Variants in RPS6KC1 observed in about 807,000 individuals in gnomAD.
RPS6KC1 encodes the protein inactive ribosomal protein S6 kinase delta-1.
In RPS6KC1, 54 loss-of-function variants were observed where a neutral mutation model predicts 103.8. The ratio of observed to expected loss-of-function variants is 0.52; its 90% CI spans 0.42 to 0.65. RPS6KC1 has a LOEUF of 0.65. RPS6KC1 is among the 30% of genes least tolerant of loss of function. RPS6KC1 has a pLI of 0.00. For synonymous variants in RPS6KC1, 439 were observed against 438.7 expected, an observed-to-expected ratio of 1.00 and a Z score of -0.01; for missense variants, 1,151 against 1,253.8, an observed-to-expected ratio of 0.92 and a Z score of 1.24.
the RPS6KC1 span, among the ~76,000 whole-genome samples, chr1:213,504,736 A>T: frequency 6.6e-6 from 1 of 152,046 alleles, no homozygotes; most frequent in African/African-American, 2.4e-5. Context: ...GGAAAATTTG[A>T]TGCCAGTTTT....
In RPS6KC1 at chr1:213,241,233, C is replaced by T. The variant is rs1446365029; in HGVS notation, c.1757C>T (p.Thr586Ile). ...DDPEAVSSPR[T>I]SDSLSRSKNS... ...CCAGAAGCAGTTAGTTCTCCAAGAA[C>T]ATCAGATTCCCTCAGTAGATCAAAA... Residue 586 changes from threonine (T) to isoleucine (I), a missense_variant, in exon 11 of 15, where the codon ACA becomes ATA. This residue lies in a region of RPS6KC1 where 959 missense variants were observed against 1,006.3 expected (regional missense o/e 0.95). Transcript: ENST00000366960. The T allele has an allele frequency of 1.2e-6, 2 of 1,613,730 alleles. No individual in the cohort carries two copies. The highest frequency in any genetic ancestry group is 2.2e-5 in the East Asian group (1 of 44,872).
chr1:213,798,642 A>G, the RPS6KC1 span, among the ~76,000 whole-genome samples: 3 of 152,206 alleles, frequency 2.0e-5, no homozygotes, highest in Non-Finnish European at 2.9e-5. Context: ...TTGTTTGGGC[A>G]GAAGAGGAGA....
the RPS6KC1 span, among the ~76,000 whole-genome samples, chr1:213,468,149 G>C: frequency 6.6e-6 from 1 of 152,254 alleles, no homozygotes; most frequent in Non-Finnish European, 1.5e-5. Flanking sequence ...CCATCCATTT[G>C]TGTTTGATGT....
At chr1:213,489,503 A>G in the RPS6KC1 span, among the ~76,000 whole-genome samples, 1 of 152,220 alleles carries the variant, frequency 6.6e-6, no homozygotes, top group Non-Finnish European at 1.5e-5. Flanking sequence ...GCATTTATTG[A>G]GCATCTACTT....
chr1:213,662,147 A>G, the RPS6KC1 span, among the ~76,000 whole-genome samples: 2 of 152,162 alleles, frequency 1.3e-5, no homozygotes, highest in Non-Finnish European at 2.9e-5. Flanking sequence ...TAAAGGAATA[A>G]ATAGTTTCAT....
the RPS6KC1 span, among the ~76,000 whole-genome samples, chr1:213,530,231 C>T: frequency 2.0e-5 from 3 of 152,128 alleles, no homozygotes; most frequent in East Asian, 5.8e-4. Flanking sequence ...TTTTCCATCT[C>T]CCCTACCTTA....
chr1:213,711,362 T>C, the RPS6KC1 span, among the ~76,000 whole-genome samples: 1 of 152,268 alleles, frequency 6.6e-6, no homozygotes, highest in East Asian at 1.9e-4. Flanking sequence ...GCTCCATCAG[T>C]TCATTTATGT....
chr1:213,702,753 T>G, the RPS6KC1 span, among the ~76,000 whole-genome samples: 141 of 152,166 alleles, frequency 9.3e-4, 1 homozygote, highest in African/African-American at 3.2e-3. Context: ...TTGATTTCTA[T>G]TGGCATAAAA....
At chr1:213,681,429 T>C in the RPS6KC1 span, among the ~76,000 whole-genome samples, 1 of 152,082 alleles carries the variant, frequency 6.6e-6, no homozygotes, top group Non-Finnish European at 1.5e-5. Context: ...GAGCCAAATG[T>C]GTAAGGATGC....
At chr1:213,451,342 A>G in the RPS6KC1 span, among the ~76,000 whole-genome samples, 7 of 152,252 alleles carry the variant, frequency 4.6e-5, no homozygotes, top group African/African-American at 1.7e-4. Flanking sequence ...TGAGAAAATG[A>G]ACCAAATAGG....
the RPS6KC1 span, among the ~76,000 whole-genome samples, chr1:213,719,710 C>T: frequency 6.6e-6 from 1 of 152,092 alleles, no homozygotes; most frequent in African/African-American, 2.4e-5. Context: ...GCCAGTGATC[C>T]CCATTGGCCA....
chr1:213,313,178 C>A, the RPS6KC1 span, among the ~76,000 whole-genome samples: 1 of 152,104 alleles, frequency 6.6e-6, no homozygotes, highest in South Asian at 2.1e-4. Flanking sequence ...ATGAAAAATA[C>A]GTGTATTTTC....
At chr1:213,202,830 T>A (rs542807948) in intron 8 of RPS6KC1, among the ~76,000 whole-genome samples, 1 of 152,298 alleles carries the variant, frequency 6.6e-6, no homozygotes, top group East Asian at 1.9e-4. Flanking sequence ...TATTTATTGA[T>A]TAAAAAATTA....
At chr1:213,076,545 A>C (rs1330753553) in intron 2 of RPS6KC1, among the ~76,000 whole-genome samples, 1 of 151,896 alleles carries the variant, frequency 6.6e-6, no homozygotes, top group Non-Finnish European at 1.5e-5. Context: ...ATTTTACTCT[A>C]TTTTCTAGAG....
the RPS6KC1 span, among the ~76,000 whole-genome samples, chr1:213,484,428 G>A: frequency 2.0e-5 from 3 of 152,324 alleles, no homozygotes; most frequent in African/African-American, 7.2e-5. Context: ...CGTTTATGTG[G>A]TTGTTGGCAA....
chr1:213,203,936 G>GGA (rs1163178096), intron 8 of RPS6KC1, among the ~76,000 whole-genome samples: 2 of 152,144 alleles, frequency 1.3e-5, no homozygotes, highest in African/African-American at 4.8e-5. Context: ...CTGAGAGCAT[G>GGA]GTCTCAAATA....
the RPS6KC1 span, among the ~76,000 whole-genome samples, chr1:213,680,484 A>G: frequency 6.6e-6 from 1 of 152,202 alleles, no homozygotes; most frequent in South Asian, 2.1e-4. Flanking sequence ...TCCTAGGGGC[A>G]GAACTGCCTT....
chr1:213,098,104 T>C (rs1292665990), intron 3 of RPS6KC1, among the ~76,000 whole-genome samples: 1 of 152,184 alleles, frequency 6.6e-6, no homozygotes, highest in Non-Finnish European at 1.5e-5. Flanking sequence ...GGCCTAACTT[T>C]CAACATTTCT....
the RPS6KC1 span, among the ~76,000 whole-genome samples, chr1:213,393,457 A>G: frequency 6.6e-6 from 1 of 152,176 alleles, no homozygotes; most frequent in East Asian, 1.9e-4. Context: ...GGAGTTTTTA[A>G]TCTCACTCTT....
Sources: allele counts gnomAD v4.1 joint callset (sites outside exome capture counted in the v4.1 genomes callset), GRCh38; gene constraint gnomAD v4.1.1; regional missense constraint gnomAD v4.1.1; transcripts MANE v1.5; gene names NCBI Gene and HGNC (gene_info 2026-07-23, HGNC 2026-07-21).